Variants in ZNF407 observed in about 807,000 individuals in gnomAD.
ZNF407 encodes the protein zinc finger protein 407.
In ZNF407, 17 loss-of-function variants were observed where a neutral mutation model predicts 131.2. The ratio of observed to expected loss-of-function variants is 0.13; its 90% CI spans 0.09 to 0.19. ZNF407 has a LOEUF of 0.19. Among genes scored for constraint, ZNF407 ranks in the 10% least tolerant of loss-of-function variants. The pLI is 1.00. For missense variants in ZNF407, 2,681 were observed against 2,830.6 expected (o/e 0.95, Z 1.20); for synonymous variants, 1,156 against 1,062.0 (o/e 1.09, Z -1.72).
chr18:74,720,063 TGAA>T (rs756165764), intron 3 of ZNF407, among the ~76,000 whole-genome samples: 1,604 of 152,306 alleles, frequency 0.011, 8 homozygotes, highest in Non-Finnish European at 0.013. Context: ...ATTTTTTTTT[TGAA>T]GAAGAAGAAG....
At chr18:75,057,585 AG>A (rs1390254258) in intron 8 of ZNF407, among the ~76,000 whole-genome samples, 4 of 152,204 alleles carry the variant, frequency 2.6e-5, no homozygotes, top group African/African-American at 9.7e-5. Context: ...TGTGCGGCCG[AG>A]GAGCCCAAGC....
intron 7 of ZNF407, among the ~76,000 whole-genome samples, chr18:74,906,543 G>T (rs1971597509): frequency 6.6e-6 from 1 of 152,166 alleles, no homozygotes; most frequent in African/African-American, 2.4e-5. Flanking sequence ...TTTATGAATA[G>T]CCAAAATGAT....
chr18:74,622,220 C>T (rs1983542189), intron 1 of ZNF407, among the ~76,000 whole-genome samples: 1 of 152,176 alleles, frequency 6.6e-6, no homozygotes, highest in Non-Finnish European at 1.5e-5. Context: ...TTCGTGACTA[C>T]AACTAATACT....
At chr18:74,803,550 C>A (rs911681476) in intron 4 of ZNF407, among the ~76,000 whole-genome samples, 7 of 152,108 alleles carry the variant, frequency 4.6e-5, no homozygotes, top group African/African-American at 1.7e-4. Context: ...GGAATATTTT[C>A]TTCCTATATT....
chr18:74,695,375 G>A (rs1967327065), intron 3 of ZNF407, among the ~76,000 whole-genome samples: 1 of 152,184 alleles, frequency 6.6e-6, no homozygotes, highest in Admixed American at 6.5e-5. Flanking sequence ...CATGTGGCTT[G>A]TTAGAACAAG....
At chr18:74,824,072 A>G (rs1970377276) in intron 4 of ZNF407, among the ~76,000 whole-genome samples, 1 of 152,212 alleles carries the variant, frequency 6.6e-6, no homozygotes, top group South Asian at 2.1e-4. Context: ...TTAAAACCAC[A>G]CAACTACATG....
At chr18:74,728,809 G>C (rs1968222133) in intron 3 of ZNF407, among the ~76,000 whole-genome samples, 1 of 152,176 alleles carries the variant, frequency 6.6e-6, no homozygotes, top group South Asian at 2.1e-4. Flanking sequence ...CTCATCACAA[G>C]GAGGGCACAG....
intron 7 of ZNF407, among the ~76,000 whole-genome samples, chr18:74,893,918 G>T (rs1383082806): frequency 6.6e-6 from 1 of 151,884 alleles, no homozygotes; most frequent in African/African-American, 2.4e-5. Context: ...CACTTAATCT[G>T]CAGGCAGCTT....
intron 1 of ZNF407, among the ~76,000 whole-genome samples, chr18:74,615,213 A>T (rs1030867151): frequency 1.3e-5 from 2 of 152,346 alleles, no homozygotes; most frequent in Admixed American, 1.3e-4. Context: ...TGAGATAAAA[A>T]CTTTTATCAC....
chr18:74,881,394 CAGATACAGG>C (rs1269620347), intron 6 of ZNF407, among the ~76,000 whole-genome samples: 2 of 152,156 alleles, frequency 1.3e-5, no homozygotes, highest in Non-Finnish European at 2.9e-5. Flanking sequence ...TTCCAAAGCC[CAGATACAGG>C]AGACTATCTT....
At chr18:74,755,263 C>T (rs1968902753) in intron 3 of ZNF407, among the ~76,000 whole-genome samples, 1 of 151,868 alleles carries the variant, frequency 6.6e-6, no homozygotes, top group Non-Finnish European at 1.5e-5. Flanking sequence ...TGAGATGGGT[C>T]TCCTGAATTA....
At chr18:74,808,248 A>G (rs1970143212) in intron 4 of ZNF407, among the ~76,000 whole-genome samples, 1 of 152,206 alleles carries the variant, frequency 6.6e-6, no homozygotes, top group Admixed American at 6.5e-5. Context: ...TCCTGACCTC[A>G]GGTGATCCAC....
At chr18:74,934,633 C>T (rs1015016535) in intron 8 of ZNF407, among the ~76,000 whole-genome samples, 1 of 152,140 alleles carries the variant, frequency 6.6e-6, no homozygotes, top group African/African-American at 2.4e-5. Context: ...TGGCAAAACC[C>T]CGTCTCTACT....
chr18:74,854,285 A>G (rs562025669), intron 4 of ZNF407, among the ~76,000 whole-genome samples: 54 of 152,302 alleles, frequency 3.5e-4, no homozygotes, highest in African/African-American at 1.3e-3. Context: ...TGTGTTAGAT[A>G]ATTTGTAAGA....
At chr18:74,796,629 C>A (rs1012120441) in intron 4 of ZNF407, among the ~76,000 whole-genome samples, 4 of 152,074 alleles carry the variant, frequency 2.6e-5, no homozygotes, top group African/African-American at 9.7e-5. Context: ...TTTTGAAAAG[C>A]AAGCTGTGTA....
At chr18:74,839,930 A>AC (rs1970609459) in intron 4 of ZNF407, among the ~76,000 whole-genome samples, 1 of 152,276 alleles carries the variant, frequency 6.6e-6, no homozygotes, top group East Asian at 1.9e-4. Flanking sequence ...ACGGAAGAGG[A>AC]CCTAAGGAAG....
At position 75,060,631 on chromosome 18, in the gene ZNF407, G is replaced by C. The variant is rs1006015450; in HGVS notation, c.5429-2519G>C. 4.8e-5 allele frequency among the ~76,000 whole-genome samples: 7 copies of C among 144,512 alleles called. No homozygotes were observed. The East Asian group carries it at 1.5e-3, about 32-fold the overall frequency. The allele number at this position is 144,512 out of a possible 152,430, so 94.8% of individuals were successfully genotyped here. A position where few individuals can be genotyped will look rare whatever the true frequency, so the allele number is the denominator to read the frequency against. Reference sequence around the variant, plus strand: ...CGCCATTCTCCTGCCTCAGCCTCCCGAGTAGCTGGGATTACAGGCACCCGC... The same window carrying C: ...CGCCATTCTCCTGCCTCAGCCTCCCCAGTAGCTGGGATTACAGGCACCCGC... On this transcript the variant is annotated intron_variant, in intron 8 of 8. Coordinates refer to ENST00000299687, the MANE Select transcript of ZNF407 (RefSeq NM_017757.3).
chr18:74,685,315 T>C (rs922516432), intron 3 of ZNF407, among the ~76,000 whole-genome samples: 3 of 152,232 alleles, frequency 2.0e-5, no homozygotes, highest in Non-Finnish European at 2.9e-5. Flanking sequence ...GATGTGGTTA[T>C]GTGTTCATCT....
chr18:74,619,208 A>T (rs921315725), intron 1 of ZNF407, among the ~76,000 whole-genome samples: 6 of 152,168 alleles, frequency 3.9e-5, no homozygotes, highest in African/African-American at 1.4e-4. Context: ...TATTGGAAAG[A>T]TATTTTCTCA....
Sources: gnomAD v4.1 joint callset for allele counts (sites outside exome capture counted in the v4.1 genomes callset) on GRCh38, gnomAD v4.1.1 for gene constraint, MANE v1.5 for transcripts, NCBI Gene and HGNC (gene_info 2026-07-23, HGNC 2026-07-21) for gene names.